Variants in SND1 observed in about 807,000 individuals in gnomAD.
SND1 encodes staphylococcal nuclease and tudor domain containing 1, also known as staphylococcal nuclease domain-containing protein 1.
In SND1, 38 loss-of-function variants were observed where a neutral mutation model predicts 121.7. That is an observed-to-expected ratio of 0.31 (90% CI 0.24 to 0.41). The LOEUF is 0.41. SND1 is among the 10% of genes least tolerant of loss of function. The probability of loss-of-function intolerance (pLI) is 1.00; values close to 1 mark genes in which losing one functional copy is unlikely to be tolerated. For missense variants in SND1, 868 were observed against 1,184.6 expected, an observed-to-expected ratio of 0.73 and a Z score of 3.92; for synonymous variants, 401 against 447.4, an observed-to-expected ratio of 0.90 and a Z score of 1.31.
chr7:127,721,064 A>G (rs1796487389), intron 9 of SND1, among the ~76,000 whole-genome samples: 1 of 152,236 alleles, frequency 6.6e-6, no homozygotes, highest in African/African-American at 2.4e-5. Flanking sequence ...ATCTTTATGA[A>G]TGATACAGAT....
rs1302961506 is a variant in SND1 at position 128,085,603 on chromosome 7, T to G, written c.2235-108T>G. On this transcript the variant is annotated intron_variant, in intron 19 of 23. Coordinates refer to ENST00000354725, the MANE Select transcript of SND1 (RefSeq NM_014390.4). This position sits in a 1 kb window ranked among gnomAD's most constrained non-coding sequence, Gnocchi z 4.4. ...AGTTACTGTCCCCTGTGACACCCGT[T>G]GAACCCAGGCAGGGAAATGCTGTGC... 3 of 964,764 alleles carry G rather than the reference T, an allele frequency of 3.1e-6. No individual in the cohort carries two copies. The highest frequency in any genetic ancestry group is 4.9e-6 in the Non-Finnish European group (3 of 609,798). The allele number at this position is 964,764 out of a possible 1,614,324, so 59.8% of individuals were successfully genotyped here.
intron 15 of SND1, among the ~76,000 whole-genome samples, chr7:127,931,201 C>T (rs1410123608): frequency 6.6e-6 from 1 of 152,144 alleles, no homozygotes; most frequent in African/African-American, 2.4e-5. Flanking sequence ...AGTTGCAGAT[C>T]AGCCTGGGCA....
chr7:127,807,377 C>T (rs550528642), intron 10 of SND1, 107 bp from the exon 11 acceptor site: 26 of 786,984 alleles, frequency 3.3e-5, no homozygotes, highest in Non-Finnish European at 4.5e-5. Flanking sequence ...TTAATATTTG[C>T]GATACTAAGA....
chr7:127,805,049 C>T (rs1205681156), intron 10 of SND1, among the ~76,000 whole-genome samples: 1 of 152,092 alleles, frequency 6.6e-6, no homozygotes, highest in African/African-American at 2.4e-5. Flanking sequence ...TATGATTGAG[C>T]GCCATCACCA....
At chr7:127,712,938 G>C (rs1796322527) in intron 9 of SND1, among the ~76,000 whole-genome samples, 1 of 152,198 alleles carries the variant, frequency 6.6e-6, no homozygotes, top group African/African-American at 2.4e-5. Context: ...TTTAGAAAGT[G>C]GAATAAATCT....
At chr7:128,075,850 T>C (rs322832) in intron 17 of SND1, among the ~76,000 whole-genome samples, 72,383 of 152,156 alleles carry the variant, frequency 0.48, 19,435 homozygotes, top group African/African-American at 0.73. Context: ...TCAGCTCCTA[T>C]AGGAAAGGAG....
chr7:127,799,346 T>G (rs1057207928), intron 10 of SND1, among the ~76,000 whole-genome samples: 1 of 152,184 alleles, frequency 6.6e-6, no homozygotes, highest in Non-Finnish European at 1.5e-5. Flanking sequence ...TGCCTTCTAG[T>G]AAAAGGGGGA....
rs945458562 is a variant in SND1 at position 128,052,211 on chromosome 7, C to T, written c.1780-22291C>T. 2.0e-5 allele frequency among the ~76,000 whole-genome samples: 3 copies of T among 152,292 alleles called. No homozygotes were observed. The highest frequency in any genetic ancestry group is 6.5e-5 in the Admixed American group (1 of 15,296). On this transcript the variant is annotated intron_variant, in intron 16 of 23. Coordinates refer to ENST00000354725, the MANE Select transcript of SND1 (RefSeq NM_014390.4). This position sits in a 1 kb window ranked among gnomAD's most constrained non-coding sequence, Gnocchi z 4.6. ...GGCCCAGAGGAGCTGCCAGGCAGGA[C>T]GGAAGGCTGGGGCTGCCAGTGGTCC...
chr7:127,720,249 T>C (rs190753411), intron 9 of SND1, among the ~76,000 whole-genome samples: 266 of 152,350 alleles, frequency 1.7e-3, no homozygotes, highest in African/African-American at 6.1e-3. Flanking sequence ...CCGCCCTTGC[T>C]GTGTGGCAGC....
intron 15 of SND1, among the ~76,000 whole-genome samples, chr7:127,987,466 A>T (rs569364961): frequency 3.9e-5 from 6 of 152,206 alleles, no homozygotes; most frequent in Non-Finnish European, 7.3e-5. Flanking sequence ...TCTGGCTTTC[A>T]GCAGCAACGA....
chr7:127,689,893 T>A (rs2116314338), intron 2 of SND1, among the ~76,000 whole-genome samples: 1 of 151,906 alleles, frequency 6.6e-6, no homozygotes, highest in Non-Finnish European at 1.5e-5. Flanking sequence ...GTCAATTGAT[T>A]GAAAAACCTG....
chr7:127,825,411 CTT>C (rs746245449), intron 11 of SND1, among the ~76,000 whole-genome samples: 6 of 139,146 alleles, frequency 4.3e-5, no homozygotes, highest in Admixed American at 7.2e-5. Flanking sequence ...TCCTGGCCAC[CTT>C]TTTTTTTTTT....
chr7:128,082,108 C>T (rs1793614947), intron 18 of SND1: 3 of 367,774 alleles, frequency 8.2e-6, no homozygotes, highest in South Asian at 2.0e-5. Context: ...GTCCCCTGGG[C>T]AGAGACCTGG....
intron 11 of SND1, among the ~76,000 whole-genome samples, chr7:127,836,201 T>C (rs1040237636): frequency 2.0e-5 from 3 of 152,140 alleles, no homozygotes; most frequent in Non-Finnish European, 2.9e-5. Flanking sequence ...GAGGAGTGGT[T>C]GGGATAGGAG....
chr7:127,991,274 T>C (rs1802518833), intron 16 of SND1, among the ~76,000 whole-genome samples: 1 of 152,188 alleles, frequency 6.6e-6, no homozygotes, highest in Non-Finnish European at 1.5e-5. Flanking sequence ...CTGGGATGTG[T>C]GGTGGACACC....
intron 1 of SND1, among the ~76,000 whole-genome samples, chr7:127,660,637 C>T (rs989243072): frequency 6.6e-6 from 1 of 152,152 alleles, no homozygotes; most frequent in Admixed American, 6.5e-5. Flanking sequence ...CTCCAGTGAG[C>T]ATTTTCTTTG....
chr7:127,940,836 C>T (rs150479109), intron 15 of SND1, among the ~76,000 whole-genome samples: 1,671 of 152,300 alleles, frequency 0.011, 23 homozygotes, highest in Non-Finnish European at 0.014. Flanking sequence ...TTAGAAGACA[C>T]TTAAGTGTCC....
In SND1 at chr7:127,800,730, A is replaced by G. The variant is rs115583246; in HGVS notation, c.1153-6754A>G. Among the ~76,000 whole-genome samples the G allele has an allele frequency of 2.8e-3, 433 of 151,956 alleles. 4 individuals carry two copies. The highest frequency in any genetic ancestry group is 9.2e-3 in the African/African-American group (380 of 41,444). ...TCAGAGCCTTGTTTTTTTCCTTTTT[A>G]CTGTTGTGTATTACACACACAGTTG... On this transcript the variant is annotated intron_variant, in intron 10 of 23. Transcript: ENST00000354725.
chr7:127,674,924 G>A (rs543927084), intron 1 of SND1, among the ~76,000 whole-genome samples: 3 of 152,262 alleles, frequency 2.0e-5, no homozygotes, highest in Non-Finnish European at 2.9e-5. Context: ...TATTTTGGCC[G>A]GGTGCAGTGG....
Sources: gnomAD v4.1 joint callset for allele counts (sites outside exome capture counted in the v4.1 genomes callset) on GRCh38, gnomAD v4.1.1 for gene constraint, Gnocchi (gnomAD v3.1) non-coding constraint, MANE v1.5 for transcripts, NCBI Gene and HGNC (gene_info 2026-07-23, HGNC 2026-07-21) for gene names.